The following TRAPPC9 variants were observed in gnomAD, a reference collection of about 807,000 sequenced individuals.
TRAPPC9 encodes IKK2 binding protein.
TRAPPC9 carries 83 observed loss-of-function variants against 124.0 expected under a neutral mutation model. That is an observed-to-expected ratio of 0.67 (90% CI 0.56 to 0.80). The LOEUF (loss-of-function observed/expected upper bound fraction) is 0.80, where lower values mean the gene tolerates loss of function less well. Among genes scored for constraint, TRAPPC9 ranks in the 30% least tolerant of loss-of-function variants. TRAPPC9 has a pLI of 0.00. For synonymous variants in TRAPPC9, 638 were observed against 617.5 expected, an observed-to-expected ratio of 1.03 and a Z score of -0.49; for missense variants, 1,302 against 1,508.3, an observed-to-expected ratio of 0.86 and a Z score of 2.27.
At chr8:139,735,697 CTG>C (rs893409322) in intron 21 of TRAPPC9, among the ~76,000 whole-genome samples, 2 of 151,394 alleles carry the variant, frequency 1.3e-5, no homozygotes, top group African/African-American at 4.9e-5. Flanking sequence ...TTGCAGAGAA[CTG>C]TGTGGGCTGC....
chr8:140,378,804 C>T (rs1465718041), intron 7 of TRAPPC9, among the ~76,000 whole-genome samples: 8 of 152,186 alleles, frequency 5.3e-5, no homozygotes, highest in Admixed American at 5.2e-4. Context: ...CCTATGTGAG[C>T]ACTGAAAACT....
chr8:140,301,256 T>C (rs773164357), intron 10 of TRAPPC9, among the ~76,000 whole-genome samples: 2 of 152,234 alleles, frequency 1.3e-5, no homozygotes, highest in Non-Finnish European at 2.9e-5. Flanking sequence ...CAGCTGTGGA[T>C]GTCTGCCAAT....
chr8:139,749,061 G>A (rs1036420423), intron 21 of TRAPPC9, among the ~76,000 whole-genome samples: 3 of 152,142 alleles, frequency 2.0e-5, no homozygotes, highest in South Asian at 2.1e-4. Context: ...CTCCTCCAAA[G>A]TATTCAAGGC....
chr8:140,325,356 A>G (rs775700653), intron 9 of TRAPPC9, among the ~76,000 whole-genome samples: 7 of 152,252 alleles, frequency 4.6e-5, no homozygotes, highest in Non-Finnish European at 8.8e-5. Flanking sequence ...AACAGGAAAC[A>G]ATAAAGAAAA....
intron 19 of TRAPPC9, among the ~76,000 whole-genome samples, chr8:139,916,207 C>G (rs1832119148): frequency 6.6e-6 from 1 of 152,210 alleles, no homozygotes. Flanking sequence ...TTTAAAGTTC[C>G]TCACAATGTG....
At chr8:140,192,625 C>T (rs940914185) in intron 17 of TRAPPC9, among the ~76,000 whole-genome samples, 1 of 152,216 alleles carries the variant, frequency 6.6e-6, no homozygotes, top group Non-Finnish European at 1.5e-5. Flanking sequence ...CCTGCTCCGA[C>T]GAGGTTTAAG....
At chr8:140,405,299 G>C in intron 6 of TRAPPC9, 2 of 303,754 alleles carry the variant, frequency 6.6e-6, no homozygotes, top group Non-Finnish European at 6.2e-6. Flanking sequence ...AAAAGAACCA[G>C]AAAATAGATA....
At position 139,790,015 on chromosome 8, in the gene TRAPPC9, T is replaced by C. The variant is rs78709774; in HGVS notation, c.3056-57813A>G. ...TCATCCTTCTCAGTAATGGGGTTAT[T>C]TGGGGCCTGGCCGGGCTGGGGAACA... On this transcript the variant is annotated intron_variant, in intron 21 of 22. Coordinates refer to ENST00000438773, the MANE Select transcript of TRAPPC9 (RefSeq NM_001160372.4). 4.0e-3 allele frequency among the ~76,000 whole-genome samples: 608 copies of C among 152,146 alleles called. 9 individuals are homozygous for C. Among genetic ancestry groups the C allele is most frequent in the African/African-American group, 0.014 (597 of 41,512 alleles).
At chr8:139,752,745 ACCAT>A (rs1318312817) in intron 21 of TRAPPC9, among the ~76,000 whole-genome samples, 6 of 150,264 alleles carry the variant, frequency 4.0e-5, no homozygotes, top group Non-Finnish European at 7.4e-5. Flanking sequence ...CTGTTCATCT[ACCAT>A]CCATCCATCT....
At chr8:139,860,779 A>G (rs6984413) in intron 21 of TRAPPC9, among the ~76,000 whole-genome samples, 87,375 of 152,194 alleles carry the variant, frequency 0.57, 26,156 homozygotes, top group African/African-American at 0.74. Context: ...CCTCACATGG[A>G]GGGCAGCCTC....
chr8:140,370,646 AAACT>A (rs1214176737), intron 8 of TRAPPC9, among the ~76,000 whole-genome samples: 6 of 152,232 alleles, frequency 3.9e-5, no homozygotes, highest in Non-Finnish European at 1.5e-5. Flanking sequence ...GATTTGTGCT[AAACT>A]AACTAAATCT....
At chr8:140,360,231 G>C in intron 8 of TRAPPC9, 38 bp from the exon 9 acceptor site, 1 of 1,613,536 alleles carries the variant, frequency 6.2e-7, no homozygotes. Flanking sequence ...AAAGTGCTTG[G>C]AGAGGGTACA....
At chr8:140,414,018 A>T (rs1330505197) in intron 5 of TRAPPC9, among the ~76,000 whole-genome samples, 2 of 152,046 alleles carry the variant, frequency 1.3e-5, no homozygotes, top group African/African-American at 4.8e-5. Context: ...TCCTTTGGGT[A>T]TATACCCAGT....
intron 17 of TRAPPC9, among the ~76,000 whole-genome samples, chr8:140,215,167 C>T (rs917393956): frequency 6.6e-6 from 1 of 152,134 alleles, no homozygotes; most frequent in Admixed American, 6.5e-5. Context: ...GTTTGAAATC[C>T]ACCACATTCA....
At chr8:139,925,827 G>A (rs4736011) in intron 19 of TRAPPC9, among the ~76,000 whole-genome samples, 7,057 of 68,648 alleles carry the variant, frequency 0.1, 430 homozygotes, top group African/African-American at 0.23. Context: ...ACACGCACAC[G>A]CACACACACA....
At chr8:139,773,767 A>G (rs1210571460) in intron 21 of TRAPPC9, among the ~76,000 whole-genome samples, 1 of 152,154 alleles carries the variant, frequency 6.6e-6, no homozygotes, top group African/African-American at 2.4e-5. Context: ...GAAACCGACC[A>G]ACCAATCAAC....
intron 18 of TRAPPC9, among the ~76,000 whole-genome samples, chr8:140,005,465 A>G (rs1838686978): frequency 1.3e-5 from 2 of 152,306 alleles, no homozygotes; most frequent in South Asian, 4.1e-4. Flanking sequence ...CACTGAGTAT[A>G]ATTCTAAGCG....
At position 140,353,643 on chromosome 8, in the gene TRAPPC9, C is replaced by T. The variant is rs1434751758; in HGVS notation, c.1495+6407G>A. 3.9e-5 allele frequency among the ~76,000 whole-genome samples: 6 copies of T among 152,182 alleles called. No homozygotes were observed. The highest frequency in any genetic ancestry group is 1.4e-4 in the African/African-American group (6 of 41,444). On this transcript the variant is annotated intron_variant, in intron 9 of 22. Coordinates refer to ENST00000438773, the MANE Select transcript of TRAPPC9 (RefSeq NM_001160372.4). This position sits in a 1 kb window ranked among gnomAD's most constrained non-coding sequence, Gnocchi z 4.2. ...GCCAGCGCAAGGATGACCATCAGGC[C>T]GCGGGCCAGACCTGGTCCATAGGCC...
chr8:140,119,431 G>T (rs1454764853), intron 17 of TRAPPC9, among the ~76,000 whole-genome samples: 1 of 152,146 alleles, frequency 6.6e-6, no homozygotes, highest in Admixed American at 6.5e-5. Flanking sequence ...ACTGACCAGG[G>T]GCATCCTCAC....
Sources: allele counts gnomAD v4.1 joint callset (sites outside exome capture counted in the v4.1 genomes callset), GRCh38; gene constraint gnomAD v4.1.1; non-coding constraint Gnocchi (gnomAD v3.1); transcripts MANE v1.5; gene names NCBI Gene and HGNC (gene_info 2026-07-23, HGNC 2026-07-21).